The following MEIS2 variants were observed in gnomAD, a reference collection of about 807,000 sequenced individuals.
MEIS2 encodes the protein homeobox protein Meis2.
MEIS2 carries 9 observed loss-of-function variants against 58.6 expected under a neutral mutation model. That is an observed-to-expected ratio of 0.15 (90% CI 0.09 to 0.27). MEIS2 has a LOEUF of 0.27. MEIS2 is among the 10% of genes least tolerant of loss of function. The probability of loss-of-function intolerance (pLI) is 1.00; values close to 1 mark genes in which losing one functional copy is unlikely to be tolerated. For missense variants in MEIS2, 427 were observed against 635.0 expected (o/e 0.67, Z 3.52); for synonymous variants, 221 against 228.4 (o/e 0.97, Z 0.29).
rs537182840 is a variant in MEIS2 at position 37,095,895 on chromosome 15, C to T, written c.388-281G>A. 43 of 515,882 alleles carry T rather than the reference C, an allele frequency of 8.3e-5. No individual in the cohort carries two copies. In the East Asian group the frequency reaches 9.0e-4, roughly 11 times the overall value. The allele number at this position is 515,882 out of a possible 1,614,324, so 32.0% of individuals were successfully genotyped here. ...GTTCCATATCCAGCAGTCCAAGAGG[C>T]TGTGGCTCTCCACTGCTGCCTGGGA... On this transcript the variant is annotated intron_variant, in intron 3 of 11. Coordinates refer to ENST00000561208, the MANE Select transcript of MEIS2 (RefSeq NM_170675.5).
intron 8 of MEIS2, among the ~76,000 whole-genome samples, chr15:36,977,976 T>C (rs2059813876): frequency 6.6e-6 from 1 of 152,164 alleles, no homozygotes; most frequent in Non-Finnish European, 1.5e-5. Flanking sequence ...AATTGAAAAC[T>C]TTCCTTGCTA....
chr15:37,098,150 G>A lies in MEIS2; in HGVS notation c.62C>T (p.Ala21Val). 1 of 1,612,418 alleles carries A rather than the reference G, an allele frequency of 6.2e-7. No homozygotes were observed. Among genetic ancestry groups the A allele is most frequent in the South Asian group, 1.1e-5 (1 of 90,852 alleles). The change falls in exon 2 of 12, where the codon GCT (alanine) becomes GTT (valine). Residue 21 changes from alanine (A) to valine (V), a missense_variant. By Grantham distance (64) the Ala-to-Val change is moderately conservative (BLOSUM62 0). This residue lies in a region of MEIS2 where 103 missense variants were observed against 111.8 expected (regional missense o/e 0.92). Coordinates refer to ENST00000561208, the MANE Select transcript of MEIS2 (RefSeq NM_170675.5). ...CGCGTGAGGGTCTCCGTACATGGAA[G>A]CGGGAACCCCTACTCCGTCCATCCC... ...YGGMDGVGVPASMYGDPHAPR... is the reference protein window; with the variant it reads ...YGGMDGVGVPVSMYGDPHAPR...
chr15:37,048,966 TAG>T (rs2062795726), intron 7 of MEIS2, among the ~76,000 whole-genome samples: 1 of 152,198 alleles, frequency 6.6e-6, no homozygotes, highest in Non-Finnish European at 1.5e-5. Context: ...TTTCATACAA[TAG>T]AGTTTCCTAA....
chr15:36,955,093 G>T (rs905464640), intron 8 of MEIS2, among the ~76,000 whole-genome samples: 9 of 152,246 alleles, frequency 5.9e-5, no homozygotes, highest in African/African-American at 2.2e-4. Context: ...CATCTTCCTG[G>T]AATGCCAAAC....
At position 37,074,392 on chromosome 15, in the gene MEIS2, A is replaced by C. The variant is rs1891100500; in HGVS notation, c.754+9379T>G. On this transcript the variant is annotated intron_variant, in intron 7 of 11. Coordinates refer to ENST00000561208, the MANE Select transcript of MEIS2 (RefSeq NM_170675.5). ...TCACTGTGTATAATAAATCAAAAAAATTAAAAAGTTCATGTTATACCCCAG... is the reference window on the plus strand; with the variant it reads ...TCACTGTGTATAATAAATCAAAAAACTTAAAAAGTTCATGTTATACCCCAG... Among the ~76,000 whole-genome samples, 4 of 152,194 alleles carry C rather than the reference A, an allele frequency of 2.6e-5. No individual in the cohort carries two copies. In the South Asian group the frequency reaches 8.3e-4, roughly 31 times the overall value.
chr15:37,083,902 A>G lies in MEIS2; in HGVS notation c.640-17T>C. On this transcript the variant is annotated splice_polypyrimidine_tract_variant and intron_variant, in intron 6 of 11. Coordinates refer to ENST00000561208, the MANE Select transcript of MEIS2 (RefSeq NM_170675.5). The stretch of plus-strand genomic sequence containing the variant: ...AGAAGGGTTCTGATGTCAGGATACC[A>G]AGGAATTTTTCCACAGTTACCATTT... 1 of 1,609,066 alleles carries G rather than the reference A, an allele frequency of 6.2e-7. No homozygotes were observed. The highest frequency in any genetic ancestry group is 8.5e-7 in the Non-Finnish European group (1 of 1,176,564).
At chr15:37,008,967 C>G (rs1041346490) in intron 8 of MEIS2, among the ~76,000 whole-genome samples, 11 of 152,132 alleles carry the variant, frequency 7.2e-5, no homozygotes, top group Non-Finnish European at 7.4e-5. Context: ...TAAGATAACC[C>G]ATAAAAGTAT....
intron 8 of MEIS2, among the ~76,000 whole-genome samples, chr15:36,976,974 A>C (rs2059780806): frequency 6.6e-6 from 1 of 152,122 alleles, no homozygotes; most frequent in Non-Finnish European, 1.5e-5. Context: ...AAATACAAAA[A>C]AATTAGCTGG....
At chr15:36,928,492 C>G (rs547179346) in intron 9 of MEIS2, among the ~76,000 whole-genome samples, 1 of 152,278 alleles carries the variant, frequency 6.6e-6, no homozygotes, top group Admixed American at 6.5e-5. Flanking sequence ...AAACTCACAT[C>G]CTTTATGTTC....
chr15:37,075,085 A>G (rs755736017), intron 7 of MEIS2, among the ~76,000 whole-genome samples: 5 of 151,990 alleles, frequency 3.3e-5, no homozygotes, highest in Non-Finnish European at 5.9e-5. Context: ...CATGAGGTCA[A>G]TCCTATCCTA....
At chr15:37,059,271 A>G (rs1888866028) in intron 7 of MEIS2, among the ~76,000 whole-genome samples, 1 of 152,214 alleles carries the variant, frequency 6.6e-6, no homozygotes, top group South Asian at 2.1e-4. Context: ...AGCAGCTTGA[A>G]GCTCTCACAT....
intron 9 of MEIS2, among the ~76,000 whole-genome samples, chr15:36,942,472 C>T (rs2058410527): frequency 6.6e-6 from 1 of 152,132 alleles, no homozygotes; most frequent in South Asian, 2.1e-4. Context: ...AACCGATGCT[C>T]ACTCTCTTAT....
intron 7 of MEIS2, among the ~76,000 whole-genome samples, chr15:37,045,976 T>C (rs1416817075): frequency 6.6e-6 from 1 of 152,060 alleles, no homozygotes; most frequent in East Asian, 1.9e-4. Context: ...CCCCCCGGGG[T>C]ATGAGCAGAA....
chr15:36,989,447 T>G (rs138824000), intron 8 of MEIS2, among the ~76,000 whole-genome samples: 5 of 151,886 alleles, frequency 3.3e-5, no homozygotes, highest in African/African-American at 9.7e-5. Context: ...GTAGTAATAT[T>G]TGCCTTCAGG....
intron 8 of MEIS2, among the ~76,000 whole-genome samples, chr15:37,035,806 A>C (rs1823690052): frequency 6.6e-6 from 1 of 152,188 alleles, no homozygotes; most frequent in Admixed American, 6.5e-5. Flanking sequence ...AGCCACCACC[A>C]TAAATAAAAG....
chr15:36,995,699 C>A, intron 8 of MEIS2, among the ~76,000 whole-genome samples: 2 of 3,332 alleles, frequency 6.0e-4, no homozygotes, highest in Non-Finnish European at 1.3e-3. Flanking sequence ...GCTCAGTTTA[C>A]AGCTACTAAA....
chr15:37,076,013 C>T, intron 7 of MEIS2, among the ~76,000 whole-genome samples: 1 of 151,852 alleles, frequency 6.6e-6, no homozygotes, highest in East Asian at 1.9e-4. Context: ...TCAGTGAAAC[C>T]CCGTTGTTGC....
chr15:37,035,946 A>T (rs1014378747), intron 8 of MEIS2, among the ~76,000 whole-genome samples: 9 of 152,258 alleles, frequency 5.9e-5, no homozygotes, highest in African/African-American at 2.2e-4. Flanking sequence ...GCCTAAATAG[A>T]ATGGCCTGAA....
At chr15:37,094,065 G>C (rs747387912) in intron 5 of MEIS2, 1 of 301,354 alleles carries the variant, frequency 3.3e-6, no homozygotes, top group Admixed American at 4.6e-5. Context: ...TTACAACATT[G>C]GAGCTGGGGA....
Sources: allele counts gnomAD v4.1 joint callset (sites outside exome capture counted in the v4.1 genomes callset), GRCh38; gene constraint gnomAD v4.1.1; regional missense constraint gnomAD v4.1.1; transcripts MANE v1.5; gene names NCBI Gene and HGNC (gene_info 2026-07-23, HGNC 2026-07-21).